Variants in TAS1R2 observed in about 807,000 individuals in gnomAD.
TAS1R2 encodes taste 1 receptor member 2.
Under a neutral mutation model 49.3 loss-of-function variants are expected in TAS1R2, and 47 were observed. That is an observed-to-expected ratio of 0.95 (90% CI 0.75 to 1.22). The LOEUF (loss-of-function observed/expected upper bound fraction) is 1.22. Among genes scored for constraint, TAS1R2 ranks in the 50% most tolerant of loss-of-function variants. The probability of loss-of-function intolerance (pLI) is 0.00; values close to 1 mark genes in which losing one functional copy is unlikely to be tolerated. For synonymous variants in TAS1R2, 479 were observed against 467.9 expected (o/e 1.02, Z -0.31); for missense variants, 1,155 against 1,122.1 (o/e 1.03, Z -0.42).
At position 18,850,418 on chromosome 1, in the gene TAS1R2, C is replaced by T. The variant is rs113589448; in HGVS notation, c.1258-868G>A. 1.7e-3 allele frequency among the ~76,000 whole-genome samples: 260 copies of T among 152,364 alleles called. 1 individual carries two copies. Among genetic ancestry groups the T allele is most frequent in the African/African-American group, 6.0e-3 (250 of 41,588 alleles). Reference sequence around the variant, plus strand: ...CAGACAGGTAGCCAAGGGAGTCGGGCCCTGGCCTTCTCCCTTCCCTGCCTA... The same window carrying T: ...CAGACAGGTAGCCAAGGGAGTCGGGTCCTGGCCTTCTCCCTTCCCTGCCTA... On this transcript the variant is annotated intron_variant, in intron 3 of 5. Transcript: ENST00000375371.
chr1:18,843,333 T>C (rs983052868), intron 4 of TAS1R2, among the ~76,000 whole-genome samples: 11 of 152,014 alleles, frequency 7.2e-5, no homozygotes, highest in South Asian at 2.1e-4. Flanking sequence ...AAACTTGGGG[T>C]TGGGGGTGCT....
rs200406070 is a variant in TAS1R2 at position 18,840,141 on chromosome 1, T to A, written c.1978A>T (p.Lys660Ter). Residue 660 changes from lysine to a stop codon, truncating the protein, a stop_gained, in exon 6 of 6, where the codon AAG becomes TAG. Coordinates refer to ENST00000375371, the Ensembl canonical transcript of TAS1R2. LOFTEE classifies it low-confidence loss of function (END_TRUNC). ...GCGCGTGGGAAGCGGCTGGCCATCT[T>A]GAAGGCGCAGACGATCTGGAAAGAA... The A allele has an allele frequency of 1.0e-4, 168 of 1,614,072 alleles. 2 individuals are homozygous for A. In the Admixed American group the frequency reaches 1.2e-3, roughly 12 times the overall value.
At chr1:18,849,366 A>G (rs1489641174) in exon 4 of TAS1R2, 2 of 1,613,874 alleles carry the variant, frequency 1.2e-6, no homozygotes, top group South Asian at 2.2e-5. Flanking sequence ...GTGCCAGGAG[A>G]TGTCTTGGAT....
intron 4 of TAS1R2, among the ~76,000 whole-genome samples, chr1:18,846,725 A>G (rs1933927051): frequency 6.6e-6 from 1 of 151,712 alleles, no homozygotes; most frequent in African/African-American, 2.4e-5. Flanking sequence ...ATGAACTTGG[A>G]GACAGACACA....
chr1:18,857,296 T>A (rs1557600656), intron 2 of TAS1R2, 35 bp downstream of exon 2: 1 of 1,595,956 alleles, frequency 6.3e-7, no homozygotes, highest in African/African-American at 1.3e-5. Context: ...TCTGCCCCCC[T>A]CCCCAGGTCC....
At chr1:18,848,078 G>C (rs1305535150) in intron 4 of TAS1R2, among the ~76,000 whole-genome samples, 2 of 152,188 alleles carry the variant, frequency 1.3e-5, no homozygotes, top group African/African-American at 2.4e-5. Flanking sequence ...TGGGGATTAT[G>C]GGAGCTACAA....
exon 6 of TAS1R2, chr1:18,840,119 C>A: frequency 6.2e-7 from 1 of 1,614,202 alleles, no homozygotes; most frequent in South Asian, 1.1e-5. Context: ...GCTGTAGGCG[C>A]GTGGGAAGCG....
At chr1:18,839,904 A>T (rs1223692887) in exon 6 of TAS1R2, 30 of 1,614,248 alleles carry the variant, frequency 1.9e-5, no homozygotes, top group Non-Finnish European at 2.5e-5. Context: ...CCCACCACTG[A>T]GAGCAGCAGG....
At chr1:18,857,764 C>T in intron 1 of TAS1R2, 133 bp from the exon 2 acceptor site, 1 of 1,018,156 alleles carries the variant, frequency 9.8e-7, no homozygotes, top group Non-Finnish European at 1.4e-6. Context: ...CTCCAGAAGA[C>T]TCGGGCATTT....
At chr1:18,858,127 T>C (rs1324545343) in intron 1 of TAS1R2, among the ~76,000 whole-genome samples, 2 of 150,774 alleles carry the variant, frequency 1.3e-5, no homozygotes, top group East Asian at 3.9e-4. Flanking sequence ...ATTTCCACCA[T>C]CACCACCACC....
chr1:18,851,350 C>T (rs776123270), intron 3 of TAS1R2, among the ~76,000 whole-genome samples: 7 of 151,970 alleles, frequency 4.6e-5, no homozygotes, highest in Admixed American at 1.3e-4. Flanking sequence ...TTTTTTAAGA[C>T]GGAGTCTCAC....
At chr1:18,845,987 C>G (rs1933914232) in intron 4 of TAS1R2, among the ~76,000 whole-genome samples, 2 of 152,190 alleles carry the variant, frequency 1.3e-5, no homozygotes. Context: ...AGAGACTGAG[C>G]TGGCGGCTGC....
At chr1:18,839,874 C>T (rs1455570907) in exon 6 of TAS1R2, 6 of 1,614,072 alleles carry the variant, frequency 3.7e-6, no homozygotes, top group Non-Finnish European at 5.1e-6. Flanking sequence ...AGCTCTTTGC[C>T]CATGTAGGCG....
Position 18,854,742 on chromosome 1 carries a change from A to C in TAS1R2, c.728T>G (p.Leu243Arg). ...TGACGTCATGTTCTGGTTGGGCTGC[A>C]GTGTGGGCAGCGTCTCCTGGAAGGC... Residue 243 changes from leucine to arginine, a missense_variant, in exon 3 of 6, where the codon CTG (leucine) becomes CGG (arginine). By Grantham distance (102) the Leu-to-Arg change is moderately radical. Coordinates refer to ENST00000375371, the Ensembl canonical transcript of TAS1R2. This position sits in a 1 kb window ranked among gnomAD's most constrained non-coding sequence, Gnocchi z 4.9. The C allele has an allele frequency of 6.2e-7, 1 of 1,611,862 alleles. No individual in the cohort carries two copies. The highest frequency in any genetic ancestry group is 8.5e-7 in the Non-Finnish European group (1 of 1,179,728).
At chr1:18,840,139 C>A in exon 6 of TAS1R2, 1 of 1,614,226 alleles carries the variant, frequency 6.2e-7, no homozygotes, top group Non-Finnish European at 8.5e-7. Flanking sequence ...GGCTGGCCAT[C>A]TTGAAGGCGC....
intron 4 of TAS1R2, among the ~76,000 whole-genome samples, chr1:18,847,742 A>C (rs28478702): frequency 0.32 from 48,600 of 152,090 alleles, 8,080 homozygotes; most frequent in East Asian, 0.44. Context: ...CCAAACTAAA[A>C]CAAGAGTATC....
chr1:18,854,241 C>T lies in TAS1R2; in HGVS notation c.1229G>A (p.Cys410Tyr), dbSNP rs143263666. Reference sequence around the variant, plus strand: ...CCAGGGGTAGACCACCCTCTTGGTGCAGGTGCTTTTGTCACAGCCGAGGAG... The same window carrying T: ...CCAGGGGTAGACCACCCTCTTGGTGTAGGTGCTTTTGTCACAGCCGAGGAG... Residue 410 changes from cysteine to tyrosine, a missense_variant, in exon 3 of 6, where the codon TGC becomes TAC. Coordinates refer to ENST00000375371, the Ensembl canonical transcript of TAS1R2. The surrounding 1 kb of genome is among the most constrained non-coding windows in gnomAD (Gnocchi z 4.9). 1.2e-6 allele frequency: 2 copies of T among 1,613,866 alleles called. No individual in the cohort carries two copies. Among genetic ancestry groups the T allele is most frequent in the African/African-American group, 1.3e-5 (1 of 74,926 alleles).
chr1:18,842,121 T>G (rs1264343435), intron 4 of TAS1R2, among the ~76,000 whole-genome samples: 1 of 152,212 alleles, frequency 6.6e-6, no homozygotes. Flanking sequence ...CCAACTGATG[T>G]GAATTTTACC....
chr1:18,853,054 G>C (rs1479068596), intron 3 of TAS1R2, among the ~76,000 whole-genome samples: 1 of 152,202 alleles, frequency 6.6e-6, no homozygotes, highest in African/African-American at 2.4e-5. Flanking sequence ...AGTTGCAGCT[G>C]GGAGGATGCC....
Sources: allele counts gnomAD v4.1 joint callset (sites outside exome capture counted in the v4.1 genomes callset), GRCh38; gene constraint gnomAD v4.1.1; non-coding constraint Gnocchi (gnomAD v3.1); transcripts MANE v1.5; gene names NCBI Gene and HGNC (gene_info 2026-07-23, HGNC 2026-07-21).